The following ZNF292 variants were observed in gnomAD, a reference collection of about 807,000 sequenced individuals.
ZNF292 encodes the protein 16 zinc-finger domain protein.
A neutral mutation model predicts 217.9 loss-of-function variants in ZNF292; 26 were observed. The ratio of observed to expected loss-of-function variants is 0.12; its 90% confidence interval spans 0.09 to 0.17. The LOEUF (loss-of-function observed/expected upper bound fraction) is 0.17. Ranked by LOEUF, ZNF292 falls within the 10% of genes least tolerant of loss-of-function variation. ZNF292 has a pLI of 1.00. For missense variants in ZNF292, 2,904 were observed against 3,175.2 expected, an observed-to-expected ratio of 0.91 and a Z score of 2.05; for synonymous variants, 1,257 against 1,124.1, an observed-to-expected ratio of 1.12 and a Z score of -2.37.
intron 1 of ZNF292, among the ~76,000 whole-genome samples, chr6:87,175,946 C>T (rs1389323917): frequency 6.6e-6 from 1 of 152,084 alleles, no homozygotes; most frequent in Non-Finnish European, 1.5e-5. Context: ...ATTTACACTA[C>T]GCTCCTGGTT....
At position 87,262,783 on chromosome 6, in the gene ZNF292, G is replaced by A. The variant is rs540260526; in HGVS notation, c.*982G>A. ...TTATAAAGATTTTTTGTTTTGTTTT[G>A]TTTTCCATTTTCTGAGATTTATAGA... is the stretch of plus-strand genomic sequence containing the variant. On this transcript the variant is annotated 3_prime_UTR_variant, in exon 8 of 8. Transcript: ENST00000369577. 1.3e-5 allele frequency: 2 copies of A among 151,686 alleles called. No homozygotes were observed. The highest frequency in any genetic ancestry group is 4.2e-4 in the South Asian group (2 of 4,808). 9.4% of individuals were successfully genotyped at this position (151,686 alleles called of 1,614,324 possible).
chr6:87,228,784 A>G (rs1483581639), intron 4 of ZNF292, among the ~76,000 whole-genome samples: 1 of 152,196 alleles, frequency 6.6e-6, no homozygotes, highest in East Asian at 1.9e-4. Flanking sequence ...GCATTGGTCC[A>G]CATGTCTGTC....
chr6:87,230,143 T>C (rs1322598566), intron 4 of ZNF292, among the ~76,000 whole-genome samples: 1 of 152,138 alleles, frequency 6.6e-6, no homozygotes, highest in African/African-American at 2.4e-5. Context: ...CACAACTGAA[T>C]AGATGGAAAT....
chr6:87,249,813 G>A (rs1040826088), intron 7 of ZNF292, among the ~76,000 whole-genome samples: 1 of 151,990 alleles, frequency 6.6e-6, no homozygotes, highest in East Asian at 1.9e-4. Context: ...AGGTACAAGC[G>A]ATTCTCGTGC....
chr6:87,202,411 A>G (rs1459795579), intron 1 of ZNF292, among the ~76,000 whole-genome samples: 2 of 152,148 alleles, frequency 1.3e-5, no homozygotes, highest in Non-Finnish European at 2.9e-5. Context: ...TAACTACTAT[A>G]CTGAATTCTC....
intron 1 of ZNF292, among the ~76,000 whole-genome samples, chr6:87,196,807 A>G (rs1305248594): frequency 6.6e-6 from 1 of 152,232 alleles, no homozygotes; most frequent in African/African-American, 2.4e-5. Flanking sequence ...GTCCTTCCTA[A>G]TGAAGACTTT....
chr6:87,155,670 G>A lies in ZNF292; in HGVS notation c.79G>A (p.Glu27Lys). 4 of 1,586,738 alleles carry A rather than the reference G, an allele frequency of 2.5e-6. No homozygotes were observed. The highest frequency in any genetic ancestry group is 2.6e-6 in the Non-Finnish European group (3 of 1,168,416). ...CGTCGCGGAGCTGCAGCGCCTGGGC[G>A]AGCGGCTCCAGGAGCTGGAGCTACA... is the stretch of plus-strand genomic sequence containing the variant. ...GCVAELQRLG[E>K]RLQELELQLR... Residue 27 changes from glutamate to lysine, a missense_variant, in exon 1 of 8, where the codon GAG (glutamate) becomes AAG (lysine). Physicochemically the swap from Glu to Lys is moderately conservative, Grantham distance 56. Transcript: ENST00000369577.
Position 87,252,662 on chromosome 6 carries a change from T to C in ZNF292, c.1021-1988T>C, listed in dbSNP as rs76576459. ...TCTTTGTGTCTTTCTGTGTGTAGTA[T>C]GCAGCTTCACAGACCACAGGTGATT... On this transcript the variant is annotated intron_variant, in intron 7 of 7. Transcript: ENST00000369577. 7.2e-5 allele frequency among the ~76,000 whole-genome samples: 11 copies of C among 152,346 alleles called. No individual in the cohort carries two copies. In the East Asian group the frequency reaches 2.1e-3, roughly 29 times the overall value.
rs372847531 is a variant in ZNF292 at position 87,256,718 on chromosome 6, C to T, written c.3089C>T (p.Thr1030Ile). The change falls in exon 8 of 8, where the codon ACC becomes ATC. Residue 1030 changes from threonine to isoleucine, a missense_variant. Around this residue, in one of 15 missense-constraint regions of ZNF292, gnomAD observed 687 missense variants for 623.0 expected, o/e 1.10. Transcript: ENST00000369577. The stretch of plus-strand genomic sequence containing the variant: ...GAAAGACAAGTGAACAACTTGATGA[C>T]CTTTTCTGTGCAAAATCAGGCAGCA... ...NLERQVNNLM[T>I]FSVQNQAAFQ... is the part of the protein sequence containing the mutation. 1.2e-5 allele frequency: 19 copies of T among 1,612,644 alleles called. No homozygotes were observed. The African/African-American group carries it at 2.3e-4, about 19-fold the overall frequency.
Position 87,261,578 on chromosome 6 carries a change from C to T in ZNF292, c.7949C>T (p.Thr2650Met), listed in dbSNP as rs1256986417. 5.6e-6 allele frequency: 9 copies of T among 1,610,708 alleles called. No homozygotes were observed. The highest frequency in any genetic ancestry group is 4.5e-5 in the East Asian group (2 of 44,804). Residue 2650 changes from threonine (T) to methionine (M), a missense_variant, in exon 8 of 8, where the codon ACG becomes ATG. By Grantham distance (81) the Thr-to-Met change is moderately conservative. This residue lies in a region of ZNF292 where 380 missense variants were observed against 355.3 expected (regional missense o/e 1.07). Coordinates refer to ENST00000369577, the MANE Select transcript of ZNF292 (RefSeq NM_015021.3). ...GTATGTCCTTGTAAAGAAAGCGAAACGTTTGTACAGTTTGCCAATCCATCA... is the reference window on the plus strand; with the variant it reads ...GTATGTCCTTGTAAAGAAAGCGAAATGTTTGTACAGTTTGCCAATCCATCA... ...NHVCPCKESE[T>M]FVQFANPSQL...
chr6:87,244,433 A>G (rs115585439), intron 6 of ZNF292, among the ~76,000 whole-genome samples: 73 of 152,374 alleles, frequency 4.8e-4, no homozygotes, highest in African/African-American at 1.7e-3. Context: ...AGTGATGACT[A>G]AGAAATTAAT....
At chr6:87,163,898 T>G (rs995949892) in intron 1 of ZNF292, among the ~76,000 whole-genome samples, 1 of 152,178 alleles carries the variant, frequency 6.6e-6, no homozygotes, top group Non-Finnish European at 1.5e-5. Flanking sequence ...ACTAAGACTT[T>G]AGGATGCCAA....
In ZNF292 at chr6:87,259,587, G is replaced by A; in HGVS notation, c.5958G>A (p.Arg1986=). 1 of 1,577,246 alleles carries A rather than the reference G, an allele frequency of 6.3e-7. No individual in the cohort carries two copies. Among genetic ancestry groups the A allele is most frequent in the Non-Finnish European group, 8.6e-7 (1 of 1,160,640 alleles). The part of the protein sequence containing the change: ...TEEMVKLKIK[R]PYGRKSQSEN... ...AAATGGTAAAGTTAAAAATTAAAAG[G>A]CCTTATGGAAGAAAATCTCAGAGTG... Residue 1986 remains arginine, a synonymous_variant, in exon 8 of 8, where the codon AGG becomes AGA. Transcript: ENST00000369577.
chr6:87,261,309 C>T lies in ZNF292; in HGVS notation c.7680C>T (p.Ser2560=), dbSNP rs752853511. The T allele has an allele frequency of 5.0e-6, 8 of 1,613,200 alleles. No individual in the cohort carries two copies. The highest frequency in any genetic ancestry group is 2.7e-5 in the African/African-American group (2 of 74,854). ...CAGCATCAGCAGCTGAGTTAAGTAG[C>T]GTGCGTAAAGAAGAAGAAACTGCTG... is the stretch of plus-strand genomic sequence containing the variant. ...AEPASAAELS[S]VRKEEETAVA... The change falls in exon 8 of 8, where the codon AGC becomes AGT. Residue 2560 remains serine, a synonymous_variant. Transcript: ENST00000369577.
In ZNF292 at chr6:87,258,477, A is replaced by T; in HGVS notation, c.4848A>T (p.Arg1616Ser). 1 of 1,613,680 alleles carries T rather than the reference A, an allele frequency of 6.2e-7. No homozygotes were observed. Among genetic ancestry groups the T allele is most frequent in the East Asian group, 2.2e-5 (1 of 44,874 alleles). Residue 1616 changes from arginine to serine, a missense_variant, in exon 8 of 8, where the codon AGA (arginine) becomes AGT (serine). Arg to Ser is a moderately radical substitution (Grantham distance 110). This residue lies in a region of ZNF292 where 622 missense variants were observed against 573.1 expected (regional missense o/e 1.09). Transcript: ENST00000369577. ...VSVISGPQNT[R>S]SSHLNKKGNS... is the part of the protein sequence containing the mutation. ...TTATAAGTGGTCCTCAGAACACAAG[A>T]TCCAGTCATTTAAATAAAAAGGGAA...
intron 4 of ZNF292, chr6:87,223,804 T>C (rs1431771484): frequency 1.3e-5 from 2 of 152,334 alleles, no homozygotes; most frequent in East Asian, 3.9e-4. Flanking sequence ...GGCACTGTAA[T>C]ATGCTCCAGG....
intron 4 of ZNF292, among the ~76,000 whole-genome samples, chr6:87,232,340 T>C (rs1773697101): frequency 1.3e-5 from 2 of 152,140 alleles, no homozygotes; most frequent in South Asian, 4.1e-4. Flanking sequence ...TCATTTTCTG[T>C]ATTCTAACCT....
chr6:87,212,406 G>A (rs1772532223), intron 1 of ZNF292, among the ~76,000 whole-genome samples: 1 of 152,126 alleles, frequency 6.6e-6, no homozygotes, highest in African/African-American at 2.4e-5. Context: ...AAGACTGGGG[G>A]GTGGGGCTAC....
chr6:87,239,885 G>C (rs1241098288), intron 5 of ZNF292, among the ~76,000 whole-genome samples: 2 of 151,724 alleles, frequency 1.3e-5, no homozygotes, highest in African/African-American at 4.8e-5. Context: ...GCCGGGCAGA[G>C]AGGCTCCTCA....
Sources: gnomAD v4.1 joint callset for allele counts (sites outside exome capture counted in the v4.1 genomes callset) on GRCh38, gnomAD v4.1.1 for gene constraint, gnomAD v4.1.1 regional missense constraint, MANE v1.5 for transcripts, NCBI Gene and HGNC (gene_info 2026-07-23, HGNC 2026-07-21) for gene names.